The following ATXN1 variants were observed in gnomAD, a reference collection of about 807,000 sequenced individuals.
ATXN1 encodes the protein ataxin-1.
ATXN1 carries 8 observed loss-of-function variants against 56.4 expected under a neutral mutation model. The observed-to-expected ratio is 0.14, with a 90% CI of 0.08 to 0.26. The LOEUF (loss-of-function observed/expected upper bound fraction) is 0.26, where lower values mean the gene tolerates loss of function less well. Ranked by LOEUF, ATXN1 falls within the 10% of genes least tolerant of loss-of-function variation. The probability of loss-of-function intolerance (pLI) is 1.00; values close to 1 mark genes in which losing one functional copy is unlikely to be tolerated. For missense variants in ATXN1, 987 were observed against 1,106.5 expected (o/e 0.89, Z 1.53); for synonymous variants, 514 against 494.6 (o/e 1.04, Z -0.52).
chr6:16,556,217 GA>G (rs147713104), intron 4 of ATXN1, among the ~76,000 whole-genome samples: 3 of 151,980 alleles, frequency 2.0e-5, no homozygotes, highest in East Asian at 1.9e-4. Flanking sequence ...ATATTTTGGG[GA>G]AAAAAACTAC....
In ATXN1 at chr6:16,326,415, G is replaced by A. The variant is rs777231830; in HGVS notation, c.1896C>T (p.Ala632=). 1.3e-5 allele frequency: 21 copies of A among 1,613,550 alleles called. No homozygotes were observed. Among genetic ancestry groups the A allele is most frequent in the African/African-American group, 2.7e-5 (2 of 74,878 alleles). Reference sequence around the variant, plus strand: ...TTACCTGGGCTCGGTGCTCCCCGACGGCGAACTGTATCACGGCCACGCCCG... The same window carrying A: ...TTACCTGGGCTCGGTGCTCCCCGACAGCGAACTGTATCACGGCCACGCCCG... The part of the protein sequence containing the change: ...HSPGVAVIQF[A]VGEHRAQVSV... Residue 632 remains alanine (A), a synonymous_variant, in exon 7 of 8, where the codon GCC becomes GCT. Coordinates refer to ENST00000436367, the MANE Select transcript of ATXN1 (RefSeq NM_001128164.2). This position sits in a 1 kb window ranked among gnomAD's most constrained non-coding sequence, Gnocchi z 6.6.
chr6:16,551,204 A>C (rs1452784296), intron 4 of ATXN1, among the ~76,000 whole-genome samples: 1 of 152,226 alleles, frequency 6.6e-6, no homozygotes, highest in African/African-American at 2.4e-5. Flanking sequence ...AACGGATCCC[A>C]GCGCTGTGAA....
chr6:16,312,757 C>T (rs1760424322), intron 7 of ATXN1, among the ~76,000 whole-genome samples: 1 of 152,194 alleles, frequency 6.6e-6, no homozygotes, highest in African/African-American at 2.4e-5. Context: ...CTTGAACCCT[C>T]ACTGGTGCCC....
chr6:16,371,031 G>A (rs1742631562), intron 6 of ATXN1, among the ~76,000 whole-genome samples: 1 of 152,206 alleles, frequency 6.6e-6, no homozygotes, highest in African/African-American at 2.4e-5. Context: ...GGAGCATAGA[G>A]TGTCAGAAAT....
intron 4 of ATXN1, among the ~76,000 whole-genome samples, chr6:16,581,210 T>C (rs1561765301): frequency 7.0e-6 from 1 of 142,384 alleles, no homozygotes; most frequent in Non-Finnish European, 1.6e-5. Context: ...TGTGTGTGTG[T>C]GTGTGTGTGT....
At chr6:16,739,728 G>T (rs1275753896) in intron 2 of ATXN1, 2 of 439,124 alleles carry the variant, frequency 4.6e-6, no homozygotes, top group South Asian at 3.1e-5. Context: ...GATTCTCAGG[G>T]ATGTCGTCCA....
intron 5 of ATXN1, among the ~76,000 whole-genome samples, chr6:16,487,463 A>G (rs181593861): frequency 6.6e-6 from 1 of 152,372 alleles, no homozygotes; most frequent in East Asian, 1.9e-4. Context: ...AAATGGAGAG[A>G]CAAAATTGGG....
chr6:16,710,491 A>G (rs1316389235), intron 2 of ATXN1, among the ~76,000 whole-genome samples: 2 of 152,220 alleles, frequency 1.3e-5, no homozygotes, highest in Admixed American at 6.5e-5. Context: ...ATCTTGAGGG[A>G]AAAAACAAGA....
intron 6 of ATXN1, among the ~76,000 whole-genome samples, chr6:16,463,390 A>G (rs1760039256): frequency 6.6e-6 from 1 of 152,216 alleles, no homozygotes; most frequent in South Asian, 2.1e-4. Context: ...GTACAGGGCC[A>G]TACAACTAAT....
chr6:16,353,615 A>T (rs934692053), intron 6 of ATXN1, among the ~76,000 whole-genome samples: 3 of 152,212 alleles, frequency 2.0e-5, no homozygotes, highest in African/African-American at 7.2e-5. Context: ...CGGAGGTTGC[A>T]ATGAGCTGAG....
chr6:16,468,116 T>G (rs536057090), intron 6 of ATXN1, among the ~76,000 whole-genome samples: 1 of 152,240 alleles, frequency 6.6e-6, no homozygotes, highest in Non-Finnish European at 1.5e-5. Flanking sequence ...TACTAAGAAC[T>G]AATAAACTCT....
chr6:16,582,303 A>G (rs1434039915), intron 4 of ATXN1, among the ~76,000 whole-genome samples: 4 of 152,204 alleles, frequency 2.6e-5, no homozygotes, highest in Admixed American at 2.6e-4. Flanking sequence ...TGAGAACTGT[A>G]AACTCCATTA....
At chr6:16,446,376 G>T (rs934301213) in intron 6 of ATXN1, among the ~76,000 whole-genome samples, 1 of 152,180 alleles carries the variant, frequency 6.6e-6, no homozygotes, top group Non-Finnish European at 1.5e-5. Context: ...CAAAGTTAAA[G>T]TTCCTTTGGT....
At chr6:16,741,279 C>T (rs949822056) in intron 2 of ATXN1, among the ~76,000 whole-genome samples, 20 of 152,182 alleles carry the variant, frequency 1.3e-4, no homozygotes, top group African/African-American at 4.8e-4. Context: ...ACTCATGACA[C>T]ATTAACCACT....
intron 3 of ATXN1, among the ~76,000 whole-genome samples, chr6:16,624,529 G>T (rs1172407695): frequency 4.6e-4 from 70 of 152,208 alleles, no homozygotes; most frequent in Admixed American, 4.6e-3. Context: ...AAAAGTGGCG[G>T]TGTTTTGTTT....
intron 6 of ATXN1, among the ~76,000 whole-genome samples, chr6:16,363,174 C>G (rs1182308007): frequency 1.3e-5 from 2 of 152,194 alleles, no homozygotes; most frequent in African/African-American, 4.8e-5. Context: ...TTCAGAAATA[C>G]AAGTGGAGAA....
At chr6:16,394,952 T>C (rs1263686378) in intron 6 of ATXN1, among the ~76,000 whole-genome samples, 1 of 152,176 alleles carries the variant, frequency 6.6e-6, no homozygotes, top group African/African-American at 2.4e-5. Flanking sequence ...ACAGTTAAGC[T>C]TGACAGCCAA....
chr6:16,335,926 C>T (rs1275286454), intron 6 of ATXN1, among the ~76,000 whole-genome samples: 1 of 152,200 alleles, frequency 6.6e-6, no homozygotes, highest in African/African-American at 2.4e-5. Flanking sequence ...GAACATGGCT[C>T]CACCAGCACC....
In ATXN1 at chr6:16,437,932, G is replaced by T. The variant is rs545970124; in HGVS notation, c.-161+48040C>A. Among the ~76,000 whole-genome samples, 97 of 152,346 alleles carry T rather than the reference G, an allele frequency of 6.4e-4. 1 individual carries two copies. Among genetic ancestry groups the T allele is most frequent in the African/African-American group, 2.3e-3 (97 of 41,568 alleles). On this transcript the variant is annotated intron_variant, in intron 6 of 7. Transcript: ENST00000436367. The stretch of plus-strand genomic sequence containing the variant: ...GGCCTTGGCTACTATGGGTGTTCAA[G>T]AAGCAGCATCATGCAATAGAAAGAT...
Sources: allele counts gnomAD v4.1 joint callset (sites outside exome capture counted in the v4.1 genomes callset), GRCh38; gene constraint gnomAD v4.1.1; non-coding constraint Gnocchi (gnomAD v3.1); transcripts MANE v1.5; gene names NCBI Gene and HGNC (gene_info 2026-07-23, HGNC 2026-07-21).